INVS: variants seen among roughly 807,000 people sequenced by gnomAD.
INVS encodes the protein inversin.
INVS carries 86 observed loss-of-function variants against 108.8 expected under a neutral mutation model. The observed-to-expected ratio is 0.79, with a 90% CI of 0.66 to 0.95. INVS has a LOEUF of 0.95. Among genes scored for constraint, INVS ranks in the 40% least tolerant of loss-of-function variants. The probability of loss-of-function intolerance (pLI) is 0.00; values close to 1 mark genes in which losing one functional copy is unlikely to be tolerated. For missense variants in INVS, 1,169 were observed against 1,297.4 expected, an observed-to-expected ratio of 0.90 and a Z score of 1.52; for synonymous variants, 455 against 473.5, an observed-to-expected ratio of 0.96 and a Z score of 0.51.
intron 10 of INVS, among the ~76,000 whole-genome samples, chr9:100,258,125 C>G (rs973545585): frequency 6.6e-6 from 1 of 152,124 alleles, no homozygotes; most frequent in South Asian, 2.1e-4. Context: ...TCTTTTTTCT[C>G]TAAACTTCTC....
chr9:100,118,389 A>G (rs1432418743), intron 2 of INVS, among the ~76,000 whole-genome samples: 2 of 149,172 alleles, frequency 1.3e-5, no homozygotes, highest in African/African-American at 2.5e-5. Context: ...TTGTATTTTT[A>G]GTAGAAACGG....
chr9:100,147,156 T>A (rs1163221221), intron 3 of INVS, among the ~76,000 whole-genome samples: 1 of 152,248 alleles, frequency 6.6e-6, no homozygotes, highest in African/African-American at 2.4e-5. Context: ...TGTATAACAT[T>A]GGGCAAAACA....
chr9:100,284,497 G>T lies in INVS; in HGVS notation c.1962G>T (p.Glu654Asp). The T allele has an allele frequency of 6.2e-7, 1 of 1,614,136 alleles. No individual in the cohort carries two copies. The highest frequency in any genetic ancestry group is 8.5e-7 in the Non-Finnish European group (1 of 1,179,996). The change falls in exon 13 of 17, where the codon GAG becomes GAT. Residue 654 changes from glutamate (E) to aspartate (D), a missense_variant. By Grantham distance (45) the Glu-to-Asp change is conservative (BLOSUM62 2). Transcript: ENST00000262457. ...CTGGCAACGTGGCCCAAGGCCCTGA[G>T]CCAAGAGACAGCAGAGGATCTCCAG... is the stretch of plus-strand genomic sequence containing the variant. ...PPAGNVAQGPEPRDSRGSPGG... is the reference protein window; with the variant it reads ...PPAGNVAQGPDPRDSRGSPGG...
chr9:100,280,737 C>T (rs1833249773), intron 12 of INVS, among the ~76,000 whole-genome samples: 2 of 151,944 alleles, frequency 1.3e-5, no homozygotes, highest in African/African-American at 4.8e-5. Flanking sequence ...AAGAAAAAAA[C>T]ATTTAAATTT....
chr9:100,100,628 AATATATATATTATATATGTATATATAAT>A (rs1238749208), intron 1 of INVS, among the ~76,000 whole-genome samples: 7 of 75,022 alleles, frequency 9.3e-5, no homozygotes, highest in African/African-American at 4.7e-4. Flanking sequence ...ATGTATATAT[AATATATATATTATATATGTATATATAAT>A]ATATATATTA....
At chr9:100,294,663 TGAA>T (rs1179663947) in intron 14 of INVS, among the ~76,000 whole-genome samples, 1 of 152,040 alleles carries the variant, frequency 6.6e-6, no homozygotes, top group Non-Finnish European at 1.5e-5. Context: ...ACATTATTAG[TGAA>T]GTTAGTTTTT....
At chr9:100,194,354 G>A (rs545164938) in intron 3 of INVS, among the ~76,000 whole-genome samples, 23 of 152,132 alleles carry the variant, frequency 1.5e-4, no homozygotes, top group African/African-American at 4.6e-4. Flanking sequence ...AGATCTTTTC[G>A]TGTGCTTGTC....
intron 2 of INVS, among the ~76,000 whole-genome samples, chr9:100,106,676 T>A (rs1827192221): frequency 6.6e-6 from 1 of 152,144 alleles, no homozygotes; most frequent in Non-Finnish European, 1.5e-5. Flanking sequence ...ATATCTCCAT[T>A]TCACAAAACC....
chr9:100,197,390 T>A (rs1159504312), intron 3 of INVS, among the ~76,000 whole-genome samples: 2 of 151,836 alleles, frequency 1.3e-5, no homozygotes, highest in East Asian at 3.9e-4. Context: ...CTGGGCAACA[T>A]TGCAAAACAC....
chr9:100,115,578 A>G (rs1430181509), intron 2 of INVS, among the ~76,000 whole-genome samples: 2 of 151,922 alleles, frequency 1.3e-5, no homozygotes, highest in Non-Finnish European at 2.9e-5. Context: ...CTTTGCTGAG[A>G]ATGATGGTTT....
In INVS at chr9:100,149,868, C is replaced by T. The variant is rs138918897; in HGVS notation, c.273+23319C>T. Among the ~76,000 whole-genome samples the T allele has an allele frequency of 2.8e-3, 422 of 152,236 alleles. 3 individuals are homozygous for T. The highest frequency in any genetic ancestry group is 5.1e-3 in the Admixed American group (78 of 15,296). ...TTGTATATTATGTGTTTTCTGTATACATAAACTGAACTATAATTTGAAAAA... is the reference window on the plus strand; with the variant it reads ...TTGTATATTATGTGTTTTCTGTATATATAAACTGAACTATAATTTGAAAAA... On this transcript the variant is annotated intron_variant, in intron 3 of 16. Transcript: ENST00000262457.
chr9:100,210,086 ACCCCT>A (rs1830791428), intron 3 of INVS, among the ~76,000 whole-genome samples: 1 of 151,984 alleles, frequency 6.6e-6, no homozygotes, highest in Admixed American at 6.6e-5. Flanking sequence ...GCTTCTACTG[ACCCCT>A]CAAGGCTGGG....
At chr9:100,169,667 G>A (rs1038486180) in intron 3 of INVS, among the ~76,000 whole-genome samples, 1 of 152,182 alleles carries the variant, frequency 6.6e-6, no homozygotes, top group African/African-American at 2.4e-5. Flanking sequence ...GGTACTAAGA[G>A]CATTTGTAAG....
At chr9:100,169,447 A>G (rs1486560344) in intron 3 of INVS, among the ~76,000 whole-genome samples, 3 of 152,206 alleles carry the variant, frequency 2.0e-5, no homozygotes, top group African/African-American at 7.2e-5. Flanking sequence ...AGCTCTTAAT[A>G]CTACCTCTGC....
chr9:100,171,000 G>A (rs923767208), intron 3 of INVS, among the ~76,000 whole-genome samples: 5 of 152,202 alleles, frequency 3.3e-5, no homozygotes, highest in South Asian at 2.1e-4. Flanking sequence ...GTGTTGTGGT[G>A]AAGAATGGCT....
At chr9:100,175,473 G>A in intron 3 of INVS, 2 of 845,298 alleles carry the variant, frequency 2.4e-6, no homozygotes, top group Non-Finnish European at 4.1e-6. Flanking sequence ...TGTACTCAGT[G>A]ATAGATTTCA....
At chr9:100,277,467 TA>T (rs1833147906) in intron 12 of INVS, among the ~76,000 whole-genome samples, 3 of 152,298 alleles carry the variant, frequency 2.0e-5, no homozygotes, top group Middle Eastern at 6.8e-3. Flanking sequence ...TTTTCATCAG[TA>T]AAATGGAAAG....
At chr9:100,106,089 T>G (rs1054383784) in intron 2 of INVS, among the ~76,000 whole-genome samples, 1 of 152,064 alleles carries the variant, frequency 6.6e-6, no homozygotes, top group Non-Finnish European at 1.5e-5. Flanking sequence ...GACTGCCAGT[T>G]CCCCCTCCTT....
At chr9:100,246,165 A>G (rs532710435) in intron 7 of INVS, among the ~76,000 whole-genome samples, 117 of 152,094 alleles carry the variant, frequency 7.7e-4, no homozygotes, top group African/African-American at 2.5e-3. Context: ...AAAAAAAAGA[A>G]AAAGAAAAAA....
Sources: allele counts gnomAD v4.1 joint callset (sites outside exome capture counted in the v4.1 genomes callset), GRCh38; gene constraint gnomAD v4.1.1; transcripts MANE v1.5; gene names NCBI Gene and HGNC (gene_info 2026-07-23, HGNC 2026-07-21).